Variants in NAV3 observed in about 807,000 individuals in gnomAD.
The protein encoded by NAV3 is neuron navigator 3, also known as pore membrane and/or filament interacting like protein 1.
NAV3 carries 87 observed loss-of-function variants against 244.7 expected under a neutral mutation model. The ratio of observed to expected loss-of-function variants is 0.36; its 90% CI spans 0.30 to 0.42. The LOEUF (loss-of-function observed/expected upper bound fraction) is 0.42, where lower values mean the gene tolerates loss of function less well. NAV3 is among the 20% of genes least tolerant of loss of function. The pLI, the probability that NAV3 is intolerant of heterozygous loss-of-function variation, is 1.00. For missense variants in NAV3, 2,663 were observed against 2,893.3 expected, an observed-to-expected ratio of 0.92 and a Z score of 1.83; for synonymous variants, 1,126 against 1,042.2, an observed-to-expected ratio of 1.08 and a Z score of -1.55.
intron 6 of NAV3, among the ~76,000 whole-genome samples, chr12:77,997,285 T>G (rs1297356478): frequency 2.0e-5 from 3 of 151,716 alleles, no homozygotes; most frequent in African/African-American, 2.4e-5. Context: ...AGTTCTTCAC[T>G]TCTAGTTCTT....
chr12:78,080,893 G>A (rs1953311914), intron 12 of NAV3, among the ~76,000 whole-genome samples: 1 of 152,150 alleles, frequency 6.6e-6, no homozygotes, highest in Non-Finnish European at 1.5e-5. Flanking sequence ...TTATTTAGCT[G>A]AGCACATGCA....
intron 2 of NAV3, among the ~76,000 whole-genome samples, chr12:77,655,447 G>C (rs1286489873): frequency 6.6e-6 from 1 of 152,192 alleles, no homozygotes; most frequent in East Asian, 1.9e-4. Context: ...CAAGAAATAT[G>C]TGACTATGTG....
At chr12:77,894,805 G>C (rs1884379340) in intron 1 of NAV3, among the ~76,000 whole-genome samples, 1 of 152,098 alleles carries the variant, frequency 6.6e-6, no homozygotes, top group Non-Finnish European at 1.5e-5. Context: ...CAAGAATGTG[G>C]ACTCAGTGTA....
intron 1 of NAV3, among the ~76,000 whole-genome samples, chr12:77,856,078 C>T (rs1331550862): frequency 6.6e-6 from 1 of 151,928 alleles, no homozygotes; most frequent in Admixed American, 6.6e-5. Flanking sequence ...ATTATCTTCA[C>T]TTCAATATAA....
At chr12:77,656,088 T>C (rs1013401240) in intron 2 of NAV3, among the ~76,000 whole-genome samples, 1 of 149,988 alleles carries the variant, frequency 6.7e-6, no homozygotes, top group Non-Finnish European at 1.5e-5. Context: ...TAATGAGAGG[T>C]TCAAATTCAC....
intron 3 of NAV3, among the ~76,000 whole-genome samples, chr12:77,951,059 T>A (rs1352396788): frequency 2.0e-5 from 3 of 152,114 alleles, no homozygotes; most frequent in Admixed American, 1.3e-4. Context: ...AAAGCCAAAA[T>A]TGGCAAGTGG....
chr12:77,956,211 CATCTT>C (rs1891344216), intron 3 of NAV3, among the ~76,000 whole-genome samples: 2 of 152,122 alleles, frequency 1.3e-5, no homozygotes, highest in Non-Finnish European at 2.9e-5. Context: ...GAAACTAAAA[CATCTT>C]ATCTATTTTT....
At chr12:78,176,531 T>A in intron 26 of NAV3, 72 bp downstream of exon 26, 1 of 1,465,558 alleles carries the variant, frequency 6.8e-7, no homozygotes, top group Non-Finnish European at 9.5e-7. Flanking sequence ...TGCTATCCAT[T>A]TTGGCAGTAG....
Position 77,643,535 on chromosome 12 carries a change from T to G in NAV3, c.72+71269T>G, listed in dbSNP as rs183413687. Reference sequence around the variant, plus strand: ...GTTCAATGAATATCATTCATTTAAATTAGTTTAGCAAAATTCTAATGGTAT... The same window carrying G: ...GTTCAATGAATATCATTCATTTAAAGTAGTTTAGCAAAATTCTAATGGTAT... On this transcript the variant is annotated intron_variant, in intron 2 of 8. Coordinates refer to the NAV3 transcript ENST00000550042. Among the ~76,000 whole-genome samples the G allele has an allele frequency of 3.5e-3, 529 of 151,850 alleles. 1 individual carries two copies. Among genetic ancestry groups the G allele is most frequent in the Non-Finnish European group, 5.7e-3 (389 of 67,818 alleles).
At chr12:77,940,804 T>C (rs1404145590) in intron 2 of NAV3, among the ~76,000 whole-genome samples, 3 of 152,144 alleles carry the variant, frequency 2.0e-5, no homozygotes, top group African/African-American at 7.2e-5. Context: ...GCAGGGACAA[T>C]TGTGAAAGGT....
chr12:78,104,544 G>A (rs1164621128), intron 12 of NAV3, among the ~76,000 whole-genome samples: 2 of 152,096 alleles, frequency 1.3e-5, no homozygotes, highest in Non-Finnish European at 2.9e-5. Flanking sequence ...TGGCCCCATC[G>A]AGTTACTGAA....
chr12:77,674,993 G>A (rs1238506753), intron 2 of NAV3, among the ~76,000 whole-genome samples: 1 of 152,160 alleles, frequency 6.6e-6, no homozygotes, highest in Non-Finnish European at 1.5e-5. Flanking sequence ...GTCAAAGAAG[G>A]TATTCTCAAG....
At chr12:77,692,138 A>G (rs977944005) in intron 2 of NAV3, among the ~76,000 whole-genome samples, 1 of 152,012 alleles carries the variant, frequency 6.6e-6, no homozygotes, top group African/African-American at 2.4e-5. Context: ...AAACATTGAT[A>G]CATATAAATG....
intron 2 of NAV3, among the ~76,000 whole-genome samples, chr12:77,617,884 T>C (rs1427395929): frequency 6.6e-6 from 1 of 152,192 alleles, no homozygotes; most frequent in Non-Finnish European, 1.5e-5. Flanking sequence ...ATTTTACAAT[T>C]TTCAAGTCAT....
In NAV3 at chr12:77,869,710, T is replaced by C. The variant is rs369009043; in HGVS notation, c.243+38006T>C. ...TTTTGCTTTATGCTCACTTGTAATA[T>C]CATGTTCCTTTCATTCAGAGCCCTT... On this transcript the variant is annotated intron_variant, in intron 1 of 39. Coordinates refer to ENST00000397909, the MANE Select transcript of NAV3 (RefSeq NM_001024383.2). Among the ~76,000 whole-genome samples, 23 of 152,336 alleles carry C rather than the reference T, an allele frequency of 1.5e-4. No homozygotes were observed. In the East Asian group the frequency reaches 2.3e-3, roughly 15 times the overall value.
chr12:78,049,259 T>A (rs1002976292), intron 9 of NAV3, among the ~76,000 whole-genome samples: 1 of 151,954 alleles, frequency 6.6e-6, no homozygotes, highest in Non-Finnish European at 1.5e-5. Flanking sequence ...CAGGTGCTAC[T>A]GGGGTATGAA....
chr12:78,157,074 G>T (rs1957334507), intron 22 of NAV3, among the ~76,000 whole-genome samples: 1 of 152,104 alleles, frequency 6.6e-6, no homozygotes, highest in Admixed American at 6.6e-5. Flanking sequence ...TTATGTAGAG[G>T]TTATCTTTGG....
chr12:78,048,931 C>T lies in NAV3; in HGVS notation c.2024-1062C>T, dbSNP rs557440046. Among the ~76,000 whole-genome samples, 241 of 152,316 alleles carry T rather than the reference C, an allele frequency of 1.6e-3. 3 individuals are homozygous for T. The highest frequency in any genetic ancestry group is 2.5e-4 in the Non-Finnish European group (17 of 68,034). ...TATGCCCCGCCCAGAGAGGAGGAAT[C>T]TAGAGAGGCAGTCTGGCTACAGCAG... On this transcript the variant is annotated intron_variant, in intron 9 of 39. Coordinates refer to ENST00000397909, the MANE Select transcript of NAV3 (RefSeq NM_001024383.2).
At position 78,007,057 on chromosome 12, in the gene NAV3, C is replaced by T. The variant is rs1446882408; in HGVS notation, c.1519C>T (p.Pro507Ser). ...GACCTCCAAAATTGCAAGCTTGATC[C>T]CTAAGGGCAGCAAGACAACAGCAGC... Reference protein sequence around the residue: ...KKTSKIASLIPKGSKTTAAKK... With the variant: ...KKTSKIASLISKGSKTTAAKK... The change falls in exon 8 of 40, where the codon CCT (proline) becomes TCT (serine). Residue 507 changes from proline (P) to serine (S), a missense_variant. Pro to Ser is a moderately conservative substitution (Grantham distance 74). Transcript: ENST00000397909. 1 of 1,614,096 alleles carries T rather than the reference C, an allele frequency of 6.2e-7. No individual in the cohort carries two copies. Among genetic ancestry groups the T allele is most frequent in the Non-Finnish European group, 8.5e-7 (1 of 1,180,024 alleles).
Sources: gnomAD v4.1 joint callset for allele counts (sites outside exome capture counted in the v4.1 genomes callset) on GRCh38, gnomAD v4.1.1 for gene constraint, MANE v1.5 for transcripts, NCBI Gene and HGNC (gene_info 2026-07-23, HGNC 2026-07-21) for gene names.